SPRN: variants seen among roughly 807,000 people sequenced by gnomAD.
SPRN encodes shadow of prion protein.
For synonymous variants in SPRN, 182 were observed against 123.4 expected, an observed-to-expected ratio of 1.48 and a Z score of -3.15; for missense variants, 312 against 241.4, an observed-to-expected ratio of 1.29 and a Z score of -1.94.
rs1308786422 is a variant in SPRN at position 133,422,334 on chromosome 10, G to C, written c.*892C>G. ...CTGCCTTCAGGGAAATGCGTGCACC[G>C]TGCAGCCTGTGCTGTGCCCAGGGAG... On this transcript the variant is annotated 3_prime_UTR_variant, in exon 2 of 2. Transcript: ENST00000685335. 6.6e-6 allele frequency: 1 copy of C among 152,376 alleles called. No homozygotes were observed. The allele number at this position is 152,376 out of a possible 1,614,324, so 9.4% of individuals were successfully genotyped here.
rs1451334358 is a variant in SPRN, at chr10:133,423,262, G to C, written c.420C>G (p.Gly140=). The C allele has an allele frequency of 6.7e-7, 1 of 1,496,208 alleles. No individual in the cohort carries two copies. The highest frequency in any genetic ancestry group is 8.9e-7 in the Non-Finnish European group (1 of 1,126,144). 92.7% of individuals were successfully genotyped at this position (1,496,208 alleles called of 1,614,324 possible). A position where few individuals can be genotyped will look rare whatever the true frequency, so the allele number is the denominator to read the frequency against. The change falls in exon 2 of 2, where the codon GGC becomes GGG. Residue 140 remains glycine (G), a synonymous_variant. Transcript: ENST00000685335. ...TRGPRLCLVL[G]GALGALGLLR... is the part of the protein sequence containing the mutation. ...GCAGCCCCAGGGCTCCGAGGGCGCC[G>C]CCCAGCACGAGACAGAGACGCGGGC...
rs1281538818 is a variant in SPRN at position 133,421,396 on chromosome 10, C to G, written c.*1830G>C. 2.9e-4 allele frequency: 44 copies of G among 153,274 alleles called. No homozygotes were observed. 9.5% of individuals were successfully genotyped at this position (153,274 alleles called of 1,614,324 possible). A position where few individuals can be genotyped will look rare whatever the true frequency, so the allele number is the denominator to read the frequency against. On this transcript the variant is annotated 3_prime_UTR_variant, in exon 2 of 2. Coordinates refer to ENST00000685335, the MANE Select transcript of SPRN (RefSeq NM_001391974.1). ...GTGTGAGGGTCTGGTGCAGCTCAGC[C>G]CATTTTCCAGGTGGGCATCTGCAAA...
At position 133,421,829 on chromosome 10, in the gene SPRN, C is replaced by T. The variant is rs1850240250; in HGVS notation, c.*1397G>A. 6.6e-6 allele frequency: 1 copy of T among 150,478 alleles called. No homozygotes were observed. Among genetic ancestry groups the T allele is most frequent in the East Asian group, 2.0e-4 (1 of 5,014 alleles). 9.3% of individuals were successfully genotyped at this position (150,478 alleles called of 1,614,324 possible). A position where few individuals can be genotyped will look rare whatever the true frequency, so the allele number is the denominator to read the frequency against. On this transcript the variant is annotated 3_prime_UTR_variant, in exon 2 of 2. Transcript: ENST00000685335. Reference sequence around the variant, plus strand: ...GTCCACTGAGTCCCGAGGCTCAGGCCCAGGAGGGATGCAGTCCGGCTGAGG... The same window carrying T: ...GTCCACTGAGTCCCGAGGCTCAGGCTCAGGAGGGATGCAGTCCGGCTGAGG...
rs1310681059 is a variant in SPRN at position 133,421,683 on chromosome 10, G to T, written c.*1543C>A. The T allele has an allele frequency of 6.5e-6, 1 of 152,892 alleles. No individual in the cohort carries two copies. The highest frequency in any genetic ancestry group is 1.5e-5 in the Non-Finnish European group (1 of 68,252). 9.5% of individuals were successfully genotyped at this position (152,892 alleles called of 1,614,324 possible). A position where few individuals can be genotyped will look rare whatever the true frequency, so the allele number is the denominator to read the frequency against. The stretch of plus-strand genomic sequence containing the variant: ...TGTGGCTTAGTGCCCTGGAGCTAGA[G>T]AGCAGTGCTTGGTTGAGTCCTGCCA... On this transcript the variant is annotated 3_prime_UTR_variant, in exon 2 of 2. Transcript: ENST00000685335.
At position 133,422,335 on chromosome 10, in the gene SPRN, T is replaced by C. The variant is rs1248610520; in HGVS notation, c.*891A>G. ...TGCCTTCAGGGAAATGCGTGCACCG[T>C]GCAGCCTGTGCTGTGCCCAGGGAGG... On this transcript the variant is annotated 3_prime_UTR_variant, in exon 2 of 2. Transcript: ENST00000685335. The C allele has an allele frequency of 1.3e-5, 2 of 152,388 alleles. No homozygotes were observed. The highest frequency in any genetic ancestry group is 2.9e-5 in the Non-Finnish European group (2 of 68,174). 9.4% of individuals were successfully genotyped at this position (152,388 alleles called of 1,614,324 possible). A position where few individuals can be genotyped will look rare whatever the true frequency, so the allele number is the denominator to read the frequency against.
intron 1 of SPRN, among the ~76,000 whole-genome samples, chr10:133,424,062 C>T (rs1266521313): frequency 1.5e-4 from 1 of 6,684 alleles, no homozygotes; most frequent in African/African-American, 7.7e-4. Flanking sequence ...ATGTGGGGGG[C>T]GGGGGGAGGC....
In SPRN at chr10:133,421,200, C is replaced by T. The variant is rs1445993318; in HGVS notation, c.*2026G>A. 2 of 152,582 alleles carry T rather than the reference C, an allele frequency of 1.3e-5. No individual in the cohort carries two copies. Among genetic ancestry groups the T allele is most frequent in the Non-Finnish European group, 2.9e-5 (2 of 68,182 alleles). 9.5% of individuals were successfully genotyped at this position (152,582 alleles called of 1,614,324 possible). A position where few individuals can be genotyped will look rare whatever the true frequency, so the allele number is the denominator to read the frequency against. On this transcript the variant is annotated 3_prime_UTR_variant, in exon 2 of 2. Coordinates refer to ENST00000685335, the MANE Select transcript of SPRN (RefSeq NM_001391974.1). ...GCCCCATACCCCACACACTCATCAG[C>T]CTGAAGTTAGCCCCTGAGTGCCACC... is the stretch of plus-strand genomic sequence containing the variant.
rs1449469946 is a variant in SPRN at position 133,423,247 on chromosome 10, G to C, written c.435C>G (p.Ala145=). 14 of 1,480,218 alleles carry C rather than the reference G, an allele frequency of 9.5e-6. No homozygotes were observed. Among genetic ancestry groups the C allele is most frequent in the East Asian group, 2.8e-5 (1 of 35,660 alleles). The allele number at this position is 1,480,218 out of a possible 1,614,324, so 91.7% of individuals were successfully genotyped here. A position where few individuals can be genotyped will look rare whatever the true frequency, so the allele number is the denominator to read the frequency against. ...LCLVLGGALG[A]LGLLRP ...AGGCCTAGGGCCGCAGCAGCCCCAG[G>C]GCTCCGAGGGCGCCGCCCAGCACGA... Residue 145 remains alanine (A), a synonymous_variant, in exon 2 of 2, where the codon GCC becomes GCG. Transcript: ENST00000685335.
At chr10:133,424,297 G>A (rs970928579) in intron 1 of SPRN, among the ~76,000 whole-genome samples, 176 bp downstream of exon 1, 2 of 141,978 alleles carry the variant, frequency 1.4e-5, no homozygotes, top group Admixed American at 7.1e-5. Flanking sequence ...TCCCTCCCGC[G>A]CGCGCCCGGC....
chr10:133,421,361 G>A lies in SPRN; in HGVS notation c.*1865C>T, dbSNP rs1339611814. On this transcript the variant is annotated 3_prime_UTR_variant, in exon 2 of 2. Transcript: ENST00000685335. ...AACTGGAACATTCCATCAGCTTGCA[G>A]TGCTGTGGTGTGTGAGGGTCTGGTG... is the stretch of plus-strand genomic sequence containing the variant. 1.3e-5 allele frequency: 2 copies of A among 153,344 alleles called. No homozygotes were observed. The highest frequency in any genetic ancestry group is 2.9e-5 in the Non-Finnish European group (2 of 68,242). 9.5% of individuals were successfully genotyped at this position (153,344 alleles called of 1,614,324 possible). A position where few individuals can be genotyped will look rare whatever the true frequency, so the allele number is the denominator to read the frequency against.
chr10:133,423,454 C>A lies in SPRN; in HGVS notation c.228G>T (p.Ala76=). The change falls in exon 2 of 2, where the codon GCG becomes GCT. Residue 76 remains alanine, a synonymous_variant. Coordinates refer to ENST00000685335, the MANE Select transcript of SPRN (RefSeq NM_001391974.1). ...VAAAGAAAGA[A]AGAAAGLAAG... The stretch of plus-strand genomic sequence containing the variant: ...CCGCCAGGCCCGCGGCCGCTCCCGC[C>A]GCCGCCCCGGCTGCCGCCCCGGCGG... 6 of 1,211,582 alleles carry A rather than the reference C, an allele frequency of 5.0e-6. No individual in the cohort carries two copies. Among genetic ancestry groups the A allele is most frequent in the Non-Finnish European group, 6.1e-6 (6 of 979,966 alleles). 75.1% of individuals were successfully genotyped at this position (1,211,582 alleles called of 1,614,324 possible).
In SPRN at chr10:133,423,439, C is replaced by A. The variant is rs867004610; in HGVS notation, c.243G>T (p.Ala81=). ...AAAGAAAGAA[A]GLAAGSGWRR... Reference sequence around the variant, plus strand: ...TCCAGCCCGAGCCCGCCGCCAGGCCCGCGGCCGCTCCCGCCGCCGCCCCGG... The same window carrying A: ...TCCAGCCCGAGCCCGCCGCCAGGCCAGCGGCCGCTCCCGCCGCCGCCCCGG... The change falls in exon 2 of 2, where the codon GCG becomes GCT. Residue 81 remains alanine, a synonymous_variant. Coordinates refer to ENST00000685335, the MANE Select transcript of SPRN (RefSeq NM_001391974.1). The A allele has an allele frequency of 7.9e-7, 1 of 1,269,856 alleles. No individual in the cohort carries two copies. The highest frequency in any genetic ancestry group is 4.0e-5 in the Admixed American group (1 of 25,284). 78.7% of individuals were successfully genotyped at this position (1,269,856 alleles called of 1,614,324 possible). A position where few individuals can be genotyped will look rare whatever the true frequency, so the allele number is the denominator to read the frequency against.
rs1181409618 is a variant in SPRN at position 133,423,221 on chromosome 10, C to G, written c.*5G>C. 2.8e-6 allele frequency: 4 copies of G among 1,421,436 alleles called. No homozygotes were observed. The highest frequency in any genetic ancestry group is 5.2e-5 in the Admixed American group (2 of 38,728). The allele number at this position is 1,421,436 out of a possible 1,614,324, so 88.1% of individuals were successfully genotyped here. ...GCCAGATGTGGTCCCCGAGCCCAGC[C>G]AGGCCTAGGGCCGCAGCAGCCCCAG... On this transcript the variant is annotated 3_prime_UTR_variant, in exon 2 of 2. Transcript: ENST00000685335.
Position 133,423,156 on chromosome 10 carries a change from G to T in SPRN, c.*70C>A. 3 of 1,332,010 alleles carry T rather than the reference G, an allele frequency of 2.3e-6. No individual in the cohort carries two copies. Among genetic ancestry groups the T allele is most frequent in the Non-Finnish European group, 2.9e-6 (3 of 1,023,698 alleles). The allele number at this position is 1,332,010 out of a possible 1,614,324, so 82.5% of individuals were successfully genotyped here. A position where few individuals can be genotyped will look rare whatever the true frequency, so the allele number is the denominator to read the frequency against. On this transcript the variant is annotated 3_prime_UTR_variant, in exon 2 of 2. Coordinates refer to ENST00000685335, the MANE Select transcript of SPRN (RefSeq NM_001391974.1). ...ACCGTGGGCAAGGGAGGAAGGGGGA[G>T]CCCAGGCCGGAGGATCCTGGGGGAT... is the stretch of plus-strand genomic sequence containing the variant.
At position 133,422,109 on chromosome 10, in the gene SPRN, TCTCCTGTC is replaced by T. The variant is rs1850252133; in HGVS notation, c.*1109_*1116del. On this transcript the variant is annotated 3_prime_UTR_variant, in exon 2 of 2. Transcript: ENST00000685335. ...TGACTGTCCAGCGCCACTCCATGTC[TCTCCTGTC>T]CTTGGATGTTGGGGGGCTCAGCCTC... 2 of 152,912 alleles carry T rather than the reference TCTCCTGTC, an allele frequency of 1.3e-5. No homozygotes were observed. Among genetic ancestry groups the T allele is most frequent in the African/African-American group, 4.8e-5 (2 of 41,570 alleles). 9.5% of individuals were successfully genotyped at this position (152,912 alleles called of 1,614,324 possible).
intron 1 of SPRN, 90 bp from the exon 2 acceptor site, chr10:133,423,787 C>G (rs1330920743): frequency 2.6e-5 from 24 of 936,214 alleles, no homozygotes; most frequent in Non-Finnish European, 3.6e-5. Flanking sequence ...AGAGGGACCC[C>G]CATCTTTTGT....
chr10:133,423,543 A>G lies in SPRN; in HGVS notation c.139T>C (p.Ser47Pro). 1 of 1,254,418 alleles carries G rather than the reference A, an allele frequency of 8.0e-7. No individual in the cohort carries two copies. The highest frequency in any genetic ancestry group is 1.0e-6 in the Non-Finnish European group (1 of 1,001,566). The allele number at this position is 1,254,418 out of a possible 1,614,324, so 77.7% of individuals were successfully genotyped here. A position where few individuals can be genotyped will look rare whatever the true frequency, so the allele number is the denominator to read the frequency against. The part of the protein sequence containing the change: ...GGVRGGARGA[S>P]RVRVRPAQRY... ...TGCGCCGGCCTCACGCGCACCCTCG[A>G]GGCCCCGCGCGCACCCCCGCGGACC... The change falls in exon 2 of 2, where the codon TCG becomes CCG. Residue 47 changes from serine (S) to proline (P), a missense_variant. By Grantham distance (74) the Ser-to-Pro change is moderately conservative. Coordinates refer to ENST00000685335, the MANE Select transcript of SPRN (RefSeq NM_001391974.1).
At position 133,423,633 on chromosome 10, in the gene SPRN, A is replaced by G. The variant is rs779944360; in HGVS notation, c.49T>C (p.Phe17Leu). Residue 17 changes from phenylalanine (F) to leucine (L), a missense_variant, in exon 2 of 2, where the codon TTC (phenylalanine) becomes CTC (leucine). By Grantham distance (22) the Phe-to-Leu change is conservative. Transcript: ENST00000685335. Reference sequence around the variant, plus strand: ...TTGGCTGCGCCGCTGTCGCAGAGGAAGGCGGCCGCCAGTAGCAGAGCCCAG... The same window carrying G: ...TTGGCTGCGCCGCTGTCGCAGAGGAGGGCGGCCGCCAGTAGCAGAGCCCAG... ...TCWALLLAAA[F>L]LCDSGAAKGG... is the part of the protein sequence containing the mutation. 1 of 1,559,906 alleles carries G rather than the reference A, an allele frequency of 6.4e-7. No individual in the cohort carries two copies. Among genetic ancestry groups the G allele is most frequent in the Non-Finnish European group, 8.7e-7 (1 of 1,155,162 alleles).
Position 133,422,389 on chromosome 10 carries a change from G to T in SPRN, c.*837C>A, listed in dbSNP as rs1850261287. 6.6e-6 allele frequency: 1 copy of T among 152,384 alleles called. No homozygotes were observed. The highest frequency in any genetic ancestry group is 6.5e-5 in the Admixed American group (1 of 15,290). The allele number at this position is 152,384 out of a possible 1,614,324, so 9.4% of individuals were successfully genotyped here. A position where few individuals can be genotyped will look rare whatever the true frequency, so the allele number is the denominator to read the frequency against. On this transcript the variant is annotated 3_prime_UTR_variant, in exon 2 of 2. Coordinates refer to ENST00000685335, the MANE Select transcript of SPRN (RefSeq NM_001391974.1). ...CTTCAGCGGGATTGGCAGTTGCTGT[G>T]CCCTGAGAACAGGCAGAACTGTGTG... is the stretch of plus-strand genomic sequence containing the variant.
Sources: gnomAD v4.1 joint callset for allele counts (sites outside exome capture counted in the v4.1 genomes callset) on GRCh38, gnomAD v4.1.1 for gene constraint, MANE v1.5 for transcripts, NCBI Gene and HGNC (gene_info 2026-07-23, HGNC 2026-07-21) for gene names.